Variants in RAD51AP2 observed in about 807,000 individuals in gnomAD.
RAD51AP2 encodes the protein RAD51 associated protein 2.
A neutral mutation model predicts 85.5 loss-of-function variants in RAD51AP2; 67 were observed. The ratio of observed to expected loss-of-function variants is 0.78; its 90% CI spans 0.64 to 0.96. RAD51AP2 has a LOEUF of 0.96. Ranked by LOEUF, RAD51AP2 falls within the 40% of genes least tolerant of loss-of-function variation. The pLI is 0.00. For missense variants in RAD51AP2, 1,307 were observed against 1,332.4 expected (o/e 0.98, Z 0.30); for synonymous variants, 474 against 446.5 (o/e 1.06, Z -0.78).
chr2:17,514,081 G>T lies in RAD51AP2; in HGVS notation c.3259C>A (p.Pro1087Thr). ...AGAAAAGCAGGTCTTTTAGGTAAAG[G>T]TGTTTCACAATCTGAAAATAAAGAG... ...YSTSEKDCET[P>T]LPKRPAFLPD... is the part of the protein sequence containing the mutation. The change falls in exon 2 of 3, where the codon CCT becomes ACT. Residue 1087 changes from proline to threonine, a missense_variant. Around this residue, in one of 3 missense-constraint regions of RAD51AP2, gnomAD observed 668 missense variants for 671.0 expected, o/e 1.00. Transcript: ENST00000399080. The T allele has an allele frequency of 3.8e-6, 6 of 1,570,958 alleles. No homozygotes were observed. Among genetic ancestry groups the T allele is most frequent in the Non-Finnish European group, 5.2e-6 (6 of 1,144,510 alleles).
At chr2:17,532,982 C>T in the RAD51AP2 span, among the ~76,000 whole-genome samples, 1 of 152,292 alleles carries the variant, frequency 6.6e-6, no homozygotes, top group African/African-American at 2.4e-5. Flanking sequence ...ATCAGTAAAA[C>T]TGTTACTACT....
rs1362128731 is a variant in RAD51AP2 at position 17,516,244 on chromosome 2, A to G, written c.2172T>C (p.Ala724=). 4 of 1,611,816 alleles carry G rather than the reference A, an allele frequency of 2.5e-6. No homozygotes were observed. In the East Asian group the frequency reaches 6.7e-5, roughly 27 times the overall value. Residue 724 remains alanine, a synonymous_variant, in exon 1 of 3, where the codon GCT becomes GCC. Transcript: ENST00000399080. ...CTTTAACAGTACTAGAATTATAGTG[A>G]GCCCAATTTTCCACATTCACAACTT... ...PQQVVNVENW[A]HYNSSTVKAH...
upstream of RAD51AP2, among the ~76,000 whole-genome samples, chr2:17,522,456 C>G (rs929442642): frequency 6.6e-6 from 1 of 151,762 alleles, no homozygotes; most frequent in Non-Finnish European, 1.5e-5. Flanking sequence ...TTTTTAACTT[C>G]TAAATTTCTC....
intron 1 of RAD51AP2, among the ~76,000 whole-genome samples, chr2:17,514,525 G>A (rs551809496): frequency 8.9e-6 from 1 of 112,642 alleles, no homozygotes; most frequent in South Asian, 2.7e-4. Flanking sequence ...ATTTTGGGAG[G>A]CCGAGGGCGG....
the RAD51AP2 span, among the ~76,000 whole-genome samples, chr2:17,523,684 T>C: frequency 6.6e-6 from 1 of 151,890 alleles, no homozygotes; most frequent in Non-Finnish European, 1.5e-5. Context: ...TTTCATCTCA[T>C]TTGATAGTTC....
At chr2:17,518,840 T>A (rs953207029), upstream of RAD51AP2, among the ~76,000 whole-genome samples, 18 of 152,246 alleles carry the variant, frequency 1.2e-4, no homozygotes, top group African/African-American at 4.3e-4. Flanking sequence ...AAAATTTTGT[T>A]TACCTCAGAA....
the RAD51AP2 span, among the ~76,000 whole-genome samples, chr2:17,527,852 G>A: frequency 7.2e-5 from 11 of 152,148 alleles, no homozygotes; most frequent in African/African-American, 2.2e-4. Flanking sequence ...TTCAACAGCA[G>A]ATAAGGATTA....
At chr2:17,520,659 A>C (rs1161738496), upstream of RAD51AP2, among the ~76,000 whole-genome samples, 1 of 152,126 alleles carries the variant, frequency 6.6e-6, no homozygotes, top group Non-Finnish European at 1.5e-5. Flanking sequence ...ATTAGAGTTA[A>C]ATCAGAAATT....
rs376155444 is a variant in RAD51AP2, at chr2:17,515,565, A to T, written c.2851T>A (p.Leu951Ile). ...ECFQDLAAKY[L>I]STEALTIVKD... ...ACTATTGTCAGAGCTTCTGTTGATA[A>T]ATATTTAGCAGCTAAGTCCTGAAAA... Residue 951 changes from leucine (L) to isoleucine (I), a missense_variant, in exon 1 of 3, where the codon TTA becomes ATA. Leu to Ile is a conservative substitution (Grantham distance 5). Around this residue, in one of 3 missense-constraint regions of RAD51AP2, gnomAD observed 668 missense variants for 671.0 expected, o/e 1.00. Transcript: ENST00000399080. The T allele has an allele frequency of 6.2e-7, 1 of 1,607,852 alleles. No homozygotes were observed. The highest frequency in any genetic ancestry group is 1.3e-5 in the African/African-American group (1 of 74,456).
Position 17,510,700 on chromosome 2 carries a change from C to T in RAD51AP2, c.*104G>A. Reference sequence around the variant, plus strand: ...TATACACTCAAAAAAAAAAACTTCTCCACTTTATAATAAAGCAAGCCCCAA... The same window carrying T: ...TATACACTCAAAAAAAAAAACTTCTTCACTTTATAATAAAGCAAGCCCCAA... On this transcript the variant is annotated 3_prime_UTR_variant, in exon 3 of 3. Coordinates refer to ENST00000399080, the MANE Select transcript of RAD51AP2 (RefSeq NM_001099218.3). 1 of 650,000 alleles carries T rather than the reference C, an allele frequency of 1.5e-6. No homozygotes were observed. Among genetic ancestry groups the T allele is most frequent in the Admixed American group, 4.0e-5 (1 of 25,276 alleles). 40.3% of individuals were successfully genotyped at this position (650,000 alleles called of 1,614,324 possible).
At position 17,518,026 on chromosome 2, in the gene RAD51AP2, T is replaced by C; in HGVS notation, c.390A>G (p.Ser130=). The change falls in exon 1 of 3, where the codon TCA becomes TCG. Residue 130 remains serine (S), a synonymous_variant. Coordinates refer to ENST00000399080, the MANE Select transcript of RAD51AP2 (RefSeq NM_001099218.3). The stretch of plus-strand genomic sequence containing the variant: ...CATGCAGGCCTGCCTCAGACCTTCC[T>C]GAAGCCCTCAAATCAGAATCAGGAC... ...SQSPDSDLRA[S]GRSEAGLHDR... is the part of the protein sequence containing the mutation. The C allele has an allele frequency of 6.2e-7, 1 of 1,614,174 alleles. No homozygotes were observed. The highest frequency in any genetic ancestry group is 8.5e-7 in the Non-Finnish European group (1 of 1,180,016).
chr2:17,536,587 C>T, the RAD51AP2 span, among the ~76,000 whole-genome samples: 1 of 152,166 alleles, frequency 6.6e-6, no homozygotes, highest in Non-Finnish European at 1.5e-5. Context: ...AAACTCAAAT[C>T]TTTCACGGTG....
rs1266358802 is a variant in RAD51AP2 at position 17,516,640 on chromosome 2, G to A, written c.1776C>T (p.Asp592=). 2 of 1,573,044 alleles carry A rather than the reference G, an allele frequency of 1.3e-6. No homozygotes were observed. Among genetic ancestry groups the A allele is most frequent in the Middle Eastern group, 3.4e-4 (2 of 5,870 alleles). The change falls in exon 1 of 3, where the codon GAC becomes GAT. Residue 592 remains aspartate, a synonymous_variant. Transcript: ENST00000399080. ...AATCATTTTCAATTCTTGTTAAAGA[G>A]TCAAAGTTATTGAGCAAAAAAGCTA... ...TNIAFLLNNF[D]SLTRIENDFE... is the part of the protein sequence containing the mutation.
At position 17,510,950 on chromosome 2, in the gene RAD51AP2, G is replaced by A. The variant is rs772777638; in HGVS notation, c.3334C>T (p.His1112Tyr). The change falls in exon 3 of 3, where the codon CAC becomes TAC. Residue 1112 changes from histidine to tyrosine, a missense_variant. Coordinates refer to ENST00000399080, the MANE Select transcript of RAD51AP2 (RefSeq NM_001099218.3). ...ACTCTTGAAATGCCATGTGGAAAGT[G>A]ACTACCTAAAAATATAAGACAATAA... Reference protein sequence around the residue: ...EFNYLLRGGSHFPHGISRVRP... With the variant: ...EFNYLLRGGSYFPHGISRVRP... 4 of 1,585,698 alleles carry A rather than the reference G, an allele frequency of 2.5e-6. No individual in the cohort carries two copies. The highest frequency in any genetic ancestry group is 1.2e-5 in the South Asian group (1 of 83,912).
chr2:17,515,378 A>G lies in RAD51AP2; in HGVS notation c.3038T>C (p.Ile1013Thr), dbSNP rs779389764. 4 of 1,610,850 alleles carry G rather than the reference A, an allele frequency of 2.5e-6. No individual in the cohort carries two copies. Among genetic ancestry groups the G allele is most frequent in the Non-Finnish European group, 3.4e-6 (4 of 1,179,194 alleles). ...CACAACCATTTTCAAATCTTTTTCT[A>G]TCTCCATTTTTACCTTCTCAGCATC... is the stretch of plus-strand genomic sequence containing the variant. ...ENDAEKVKME[I>T]EKDLKMVVVN... Residue 1013 changes from isoleucine (I) to threonine (T), a missense_variant, in exon 1 of 3, where the codon ATA (isoleucine) becomes ACA (threonine). Ile to Thr is a moderately conservative substitution (Grantham distance 89, BLOSUM62 -1). Coordinates refer to ENST00000399080, the MANE Select transcript of RAD51AP2 (RefSeq NM_001099218.3).
At chr2:17,530,214 G>A in the RAD51AP2 span, among the ~76,000 whole-genome samples, 12 of 152,206 alleles carry the variant, frequency 7.9e-5, no homozygotes, top group Admixed American at 3.9e-4. Context: ...AACAGCATAA[G>A]CCTTGCTATA....
Position 17,510,613 on chromosome 2 carries a change from A to G in RAD51AP2, c.*191T>C, listed in dbSNP as rs1262747078. 1.0e-5 allele frequency: 4 copies of G among 381,858 alleles called. No homozygotes were observed. Among genetic ancestry groups the G allele is most frequent in the Non-Finnish European group, 1.8e-5 (4 of 216,762 alleles). 23.7% of individuals were successfully genotyped at this position (381,858 alleles called of 1,614,324 possible). The stretch of plus-strand genomic sequence containing the variant: ...ATAATGAAACGGCTTTAATGTGTAC[A>G]TTTTTATATCATATAAAAATCCATA... On this transcript the variant is annotated 3_prime_UTR_variant, in exon 3 of 3. Transcript: ENST00000399080.
chr2:17,530,514 G>A, the RAD51AP2 span, among the ~76,000 whole-genome samples: 1 of 142,036 alleles, frequency 7.0e-6, no homozygotes, highest in African/African-American at 2.6e-5. Context: ...CCAAGAGGTT[G>A]AGGCTGCTTT....
At chr2:17,522,484 A>G (rs1325163949), upstream of RAD51AP2, among the ~76,000 whole-genome samples, 1 of 151,908 alleles carries the variant, frequency 6.6e-6, no homozygotes, top group African/African-American at 2.4e-5. Flanking sequence ...TTATGTTATT[A>G]TATTTTCTGC....
Sources: gnomAD v4.1 joint callset for allele counts (sites outside exome capture counted in the v4.1 genomes callset) on GRCh38, gnomAD v4.1.1 for gene constraint, gnomAD v4.1.1 regional missense constraint, MANE v1.5 for transcripts, NCBI Gene and HGNC (gene_info 2026-07-23, HGNC 2026-07-21) for gene names.